DLGAP2: variants seen among roughly 807,000 people sequenced by gnomAD.
The protein encoded by DLGAP2 is DLG associated protein 2.
In DLGAP2, 26 loss-of-function variants were observed where a neutral mutation model predicts 100.3. The observed-to-expected ratio is 0.26, with a 90% CI of 0.19 to 0.36. DLGAP2 has a LOEUF of 0.36. DLGAP2 is among the 10% of genes least tolerant of loss of function. The pLI is 1.00. For synonymous variants in DLGAP2, 886 were observed against 630.1 expected (o/e 1.41, Z -6.08); for missense variants, 1,858 against 1,453.2 (o/e 1.28, Z -4.53).
intron 2 of DLGAP2, among the ~76,000 whole-genome samples, chr8:1,028,778 A>T (rs1418427693): frequency 6.6e-6 from 1 of 152,152 alleles, no homozygotes; most frequent in Non-Finnish European, 1.5e-5. Context: ...ATCCCTTGGG[A>T]TTTTTTAAAG....
chr8:1,287,502 G>GTGT (rs1799959632), intron 3 of DLGAP2, among the ~76,000 whole-genome samples: 1 of 12,812 alleles, frequency 7.8e-5, no homozygotes, highest in Non-Finnish European at 1.4e-4. Flanking sequence ...GTGTGGTTCT[G>GTGT]TTAGGAGGGG....
intron 1 of DLGAP2, among the ~76,000 whole-genome samples, chr8:836,219 G>A (rs1796872647): frequency 6.6e-6 from 1 of 152,196 alleles, no homozygotes; most frequent in Non-Finnish European, 1.5e-5. Context: ...GAAAGCCCCG[G>A]CCGCCTCCTG....
At chr8:1,613,419 A>T (rs900930462) in intron 6 of DLGAP2, among the ~76,000 whole-genome samples, 1 of 151,994 alleles carries the variant, frequency 6.6e-6, no homozygotes, top group South Asian at 2.1e-4. Flanking sequence ...GGAGGGATAG[A>T]ATTGGGAGAT....
Position 941,815 on chromosome 8 carries a change from A to G in DLGAP2, c.73+33849A>G, listed in dbSNP as rs1053884317. On this transcript the variant is annotated intron_variant, in intron 2 of 14. Coordinates refer to ENST00000637795, the MANE Select transcript of DLGAP2 (RefSeq NM_001346810.2). ...TATATTCTGATTCAGTAGCCACAAA[A>G]TACATTTTTTTTTTTGAAAATCCTC... Among the ~76,000 whole-genome samples, 3 of 126,454 alleles carry G rather than the reference A, an allele frequency of 2.4e-5. No homozygotes were observed. In the Admixed American group the frequency reaches 2.7e-4, roughly 12 times the overall value. 83.0% of individuals were successfully genotyped at this position (126,454 alleles called of 152,430 possible).
At chr8:1,473,814 T>C (rs1261487579) in intron 3 of DLGAP2, among the ~76,000 whole-genome samples, 1 of 152,168 alleles carries the variant, frequency 6.6e-6, no homozygotes, top group African/African-American at 2.4e-5. Context: ...GGGTTTCCCA[T>C]TTTGCTTGGC....
At chr8:1,239,898 C>A (rs1178229832) in intron 2 of DLGAP2, among the ~76,000 whole-genome samples, 1 of 118,094 alleles carries the variant, frequency 8.5e-6, no homozygotes, top group Non-Finnish European at 1.7e-5. Context: ...TCACATGGTG[C>A]CATGTCTAGT....
At chr8:779,594 G>C (rs1821632515) in intron 1 of DLGAP2, among the ~76,000 whole-genome samples, 1 of 151,738 alleles carries the variant, frequency 6.6e-6, no homozygotes, top group Admixed American at 6.6e-5. Flanking sequence ...CTCCCAAAGT[G>C]TGGGGATTAC....
intron 1 of DLGAP2, chr8:822,090 A>G: frequency 2.5e-6 from 1 of 399,090 alleles, no homozygotes; most frequent in Non-Finnish European, 4.4e-6. Context: ...TTCCTCACCT[A>G]GGCTTTCTCG....
chr8:1,088,636 ACCACC>A (rs1465040940), intron 2 of DLGAP2, among the ~76,000 whole-genome samples: 1 of 150,354 alleles, frequency 6.7e-6, no homozygotes. Flanking sequence ...ACTTGCTCCC[ACCACC>A]CCACTCTCTC....
intron 3 of DLGAP2, among the ~76,000 whole-genome samples, chr8:1,411,413 G>C (rs1278741461): frequency 6.6e-6 from 1 of 152,208 alleles, no homozygotes; most frequent in African/African-American, 2.4e-5. Flanking sequence ...CGAAGGACTT[G>C]ACCCCTGAGC....
chr8:1,666,771 C>T (rs894551990), intron 8 of DLGAP2, among the ~76,000 whole-genome samples: 2 of 151,882 alleles, frequency 1.3e-5, no homozygotes, highest in African/African-American at 4.8e-5. Context: ...CTTGTTTTGT[C>T]GTTTGTCCTT....
At chr8:1,572,907 A>G (rs1407133541) in intron 6 of DLGAP2, among the ~76,000 whole-genome samples, 2 of 90,152 alleles carry the variant, frequency 2.2e-5, no homozygotes, top group Non-Finnish European at 2.2e-5. Context: ...GGTGAACTGG[A>G]GGGGTGTCTG....
At chr8:1,463,132 C>T (rs917724275) in intron 3 of DLGAP2, among the ~76,000 whole-genome samples, 2 of 152,108 alleles carry the variant, frequency 1.3e-5, no homozygotes, top group African/African-American at 4.8e-5. Context: ...GCCCGTAATC[C>T]CCGCTACTCG....
intron 3 of DLGAP2, among the ~76,000 whole-genome samples, chr8:1,376,176 A>G (rs1802382986): frequency 6.6e-6 from 1 of 151,920 alleles, no homozygotes; most frequent in South Asian, 2.1e-4. Context: ...AACATCAGCC[A>G]TGAAAGGAAT....
chr8:1,166,847 A>G (rs1391833233), intron 2 of DLGAP2, among the ~76,000 whole-genome samples: 1 of 152,232 alleles, frequency 6.6e-6, no homozygotes, highest in Non-Finnish European at 1.5e-5. Context: ...ATGGATAATG[A>G]TAATACTATA....
intron 8 of DLGAP2, among the ~76,000 whole-genome samples, chr8:1,660,352 A>G (rs1250946002): frequency 1.3e-5 from 2 of 152,186 alleles, no homozygotes; most frequent in African/African-American, 4.8e-5. Flanking sequence ...TAACTGCTGT[A>G]TTATTTGTAA....
chr8:866,497 C>T (rs1411340478), intron 1 of DLGAP2, among the ~76,000 whole-genome samples: 2 of 152,126 alleles, frequency 1.3e-5, no homozygotes, highest in East Asian at 1.9e-4. Context: ...CTGATCAGTC[C>T]CCACCTTCTG....
chr8:1,439,280 A>G (rs1299266628), intron 3 of DLGAP2, among the ~76,000 whole-genome samples: 3 of 152,128 alleles, frequency 2.0e-5, no homozygotes, highest in African/African-American at 7.2e-5. Context: ...TGGAAGAGGG[A>G]AGGGAAGGAG....
rs1287619103 is a variant in DLGAP2, at chr8:1,164,163, AGGGCCCGTCATTTTGGTTTGTGGG to A, written c.74-94686_74-94663del. 1.2e-3 allele frequency among the ~76,000 whole-genome samples: 108 copies of A among 89,302 alleles called. 2 individuals are homozygous for A. Among genetic ancestry groups the A allele is most frequent in the Middle Eastern group, 9.3e-3 (1 of 108 alleles). The allele number at this position is 89,302 out of a possible 152,430, so 58.6% of individuals were successfully genotyped here. ...GTGGGGATTTTTCTGTGAGCCCCCC[AGGGCCCGTCATTTTGGTTTGTGGG>A]GATTTTTCTGTGAGCCCCCAGGGCC... is the stretch of plus-strand genomic sequence containing the variant. On this transcript the variant is annotated intron_variant, in intron 2 of 14. Coordinates refer to ENST00000637795, the MANE Select transcript of DLGAP2 (RefSeq NM_001346810.2).
Sources: gnomAD v4.1 joint callset for allele counts (sites outside exome capture counted in the v4.1 genomes callset) on GRCh38, gnomAD v4.1.1 for gene constraint, MANE v1.5 for transcripts, NCBI Gene and HGNC (gene_info 2026-07-23, HGNC 2026-07-21) for gene names.